The following SLC8A1 variants were observed in gnomAD, a reference collection of about 807,000 sequenced individuals.
The protein encoded by SLC8A1 is sodium/calcium exchanger 1.
A neutral mutation model predicts 68.3 loss-of-function variants in SLC8A1; 18 were observed. The ratio of observed to expected loss-of-function variants is 0.26; its 90% CI spans 0.18 to 0.39. The LOEUF (loss-of-function observed/expected upper bound fraction) is 0.39. Ranked by LOEUF, SLC8A1 falls within the 10% of genes least tolerant of loss-of-function variation. SLC8A1 has a pLI of 1.00. For synonymous variants in SLC8A1, 475 were observed against 415.5 expected (o/e 1.14, Z -1.74); for missense variants, 985 against 1,156.7 (o/e 0.85, Z 2.15).
At chr2:40,454,427 A>G (rs753568452), upstream of SLC8A1, among the ~76,000 whole-genome samples, 5 of 149,608 alleles carry the variant, frequency 3.3e-5, no homozygotes, top group Non-Finnish European at 5.9e-5. Context: ...AGTGACAAGA[A>G]CCCTGTTCTT....
chr2:40,126,710 C>T (rs939081325), intron 7 of SLC8A1, among the ~76,000 whole-genome samples: 2 of 152,020 alleles, frequency 1.3e-5, no homozygotes, highest in African/African-American at 2.4e-5. Context: ...TATTAAAATA[C>T]CCCCTCCCCC....
intron 5 of SLC8A1, 135 bp downstream of exon 8, chr2:40,164,717 GCT>G: frequency 8.5e-7 from 1 of 1,180,016 alleles, no homozygotes; most frequent in South Asian, 1.5e-5. Flanking sequence ...GGCCCCAAAG[GCT>G]CTCAATTCAC....
chr2:40,250,317 G>C (rs529221880), intron 2 of SLC8A1: 2 of 152,178 alleles, frequency 1.3e-5, no homozygotes, highest in Admixed American at 1.3e-4. Flanking sequence ...CTACAAGTTG[G>C]GAATAATATA....
At chr2:40,105,573 A>G (rs1350652564) in exon 8 of SLC8A1, 1 of 152,182 alleles carries the variant, frequency 6.6e-6, no homozygotes, top group African/African-American at 2.4e-5. Context: ...AAGTGTAGAC[A>G]CCTCATCACT....
intron 7 of SLC8A1, among the ~76,000 whole-genome samples, chr2:40,119,528 A>G (rs1485485377): frequency 6.6e-6 from 1 of 152,174 alleles, no homozygotes; most frequent in Non-Finnish European, 1.5e-5. Context: ...TACTTTGAAC[A>G]CTAAGCCTGT....
chr2:40,239,650 A>T (rs1253120726), intron 2 of SLC8A1, among the ~76,000 whole-genome samples: 8 of 152,174 alleles, frequency 5.3e-5, no homozygotes, highest in Admixed American at 5.2e-4. Context: ...ATTCTACTCC[A>T]GCCTGGGCAA....
intron 2 of SLC8A1, among the ~76,000 whole-genome samples, chr2:40,355,753 T>C (rs1672474913): frequency 6.6e-6 from 1 of 152,192 alleles, no homozygotes; most frequent in Non-Finnish European, 1.5e-5. Flanking sequence ...AATGTCAGTA[T>C]AAACTCACCA....
At chr2:40,467,527 G>C in intron 1 of SLC8A1, among the ~76,000 whole-genome samples, 2 of 152,040 alleles carry the variant, frequency 1.3e-5, no homozygotes, top group African/African-American at 4.8e-5. Flanking sequence ...TGCTATTGTT[G>C]TCTCCTTTTA....
intron 1 of SLC8A1, among the ~76,000 whole-genome samples, chr2:40,467,652 G>C (rs1418027686): frequency 6.6e-6 from 1 of 152,010 alleles, no homozygotes; most frequent in African/African-American, 2.4e-5. Context: ...ATAAATAACT[G>C]CATAGTGTCG....
chr2:40,200,950 C>G (rs1448993091), intron 2 of SLC8A1, among the ~76,000 whole-genome samples: 2 of 151,558 alleles, frequency 1.3e-5, no homozygotes, highest in Admixed American at 6.6e-5. Context: ...ACAAAGAATG[C>G]TAACATTTCT....
At chr2:40,230,072 C>T (rs555463240) in intron 2 of SLC8A1, among the ~76,000 whole-genome samples, 98 of 152,260 alleles carry the variant, frequency 6.4e-4, no homozygotes, top group African/African-American at 2.3e-3. Flanking sequence ...GAGCTGGCAT[C>T]ATCAGAGCTA....
intron 2 of SLC8A1, among the ~76,000 whole-genome samples, chr2:40,206,803 G>A (rs898368693): frequency 1.3e-5 from 2 of 151,982 alleles, no homozygotes; most frequent in Non-Finnish European, 2.9e-5. Context: ...TCAAAAACAA[G>A]TTTTATAATT....
rs186793095 is a variant in SLC8A1 at position 40,284,951 on chromosome 2, G to C, written c.1809-107096C>G. On this transcript the variant is annotated intron_variant, in intron 2 of 7. Transcript: ENST00000406785. ...CTGAGCAGGCACTCTCATGCATTTT[G>C]ATACTCTAGTTTTATAACCAGAGAA... Among the ~76,000 whole-genome samples the C allele has an allele frequency of 2.6e-3, 393 of 152,160 alleles. 1 individual carries two copies. The highest frequency in any genetic ancestry group is 3.9e-3 in the Non-Finnish European group (264 of 67,976).
exon 8 of SLC8A1, chr2:40,110,598 A>C (rs2034497584): frequency 6.6e-6 from 1 of 152,198 alleles, no homozygotes; most frequent in Non-Finnish European, 1.5e-5. Context: ...AAGTGATTAC[A>C]ATGATAAAAG....
chr2:40,148,411 C>T (rs1252599521), intron 6 of SLC8A1, among the ~76,000 whole-genome samples: 1 of 152,200 alleles, frequency 6.6e-6, no homozygotes, highest in African/African-American at 2.4e-5. Flanking sequence ...TTTTCCTGAT[C>T]TCAGGATCTC....
chr2:40,462,545 A>C (rs1363448404), intron 1 of SLC8A1, among the ~76,000 whole-genome samples: 2 of 151,256 alleles, frequency 1.3e-5, no homozygotes, highest in Non-Finnish European at 1.5e-5. Flanking sequence ...ATGGTGGTTC[A>C]TGCCTGTAAT....
intron 6 of SLC8A1, among the ~76,000 whole-genome samples, chr2:40,159,382 T>C (rs2045249895): frequency 6.6e-6 from 1 of 152,206 alleles, no homozygotes; most frequent in African/African-American, 2.4e-5. Context: ...GTTATACAAA[T>C]GCTCATATAC....
chr2:40,423,804 CTATCT>C (rs1435615306), intron 2 of SLC8A1, among the ~76,000 whole-genome samples: 1 of 151,876 alleles, frequency 6.6e-6, no homozygotes, highest in Non-Finnish European at 1.5e-5. Flanking sequence ...GGCTCTTATC[CTATCT>C]TATTTTTATA....
rs141941960 is a variant in SLC8A1, at chr2:40,149,953, G to A, written c.2162-10277C>T. ...TTCTACAACTCCAGAAGAAAAATGA[G>A]CAATGCTTTATGGTGCAGCAGGAGC... On this transcript the variant is annotated intron_variant, in intron 6 of 7. Transcript: ENST00000406785. Among the ~76,000 whole-genome samples, 16 of 151,016 alleles carry A rather than the reference G, an allele frequency of 1.1e-4. No individual in the cohort carries two copies. In the East Asian group the frequency reaches 2.9e-3, roughly 28 times the overall value.
Sources: gnomAD v4.1 joint callset for allele counts (sites outside exome capture counted in the v4.1 genomes callset) on GRCh38, gnomAD v4.1.1 for gene constraint, MANE v1.5 for transcripts, NCBI Gene and HGNC (gene_info 2026-07-23, HGNC 2026-07-21) for gene names.